Variants in OR10J1 observed in about 807,000 individuals in gnomAD.
OR10J1 encodes olfactory receptor family 10 subfamily J member 1.
For synonymous variants in OR10J1, 202 were observed against 143.8 expected (o/e 1.40, Z -2.89); for missense variants, 474 against 376.6 (o/e 1.26, Z -2.14).
Position 159,440,333 on chromosome 1 carries a change from G to C in OR10J1, c.542G>C (p.Arg181Pro). The change falls in exon 1 of 1, where the codon CGC (arginine) becomes CCC (proline). Residue 181 changes from arginine (R) to proline (P), a missense_variant. By Grantham distance (103) the Arg-to-Pro change is moderately radical. Transcript: ENST00000423932. ...RKVPHFFCDI[R>P]PVMKLSCIDT... ...GTGCCCCACTTCTTCTGTGACATCC[G>C]CCCTGTGATGAAGCTCTCCTGCATT... The C allele has an allele frequency of 6.2e-7, 1 of 1,614,106 alleles. No homozygotes were observed. The highest frequency in any genetic ancestry group is 8.5e-7 in the Non-Finnish European group (1 of 1,180,014).
chr1:159,427,400 AC>A, the OR10J1 span, among the ~76,000 whole-genome samples: 2 of 151,688 alleles, frequency 1.3e-5, no homozygotes, highest in African/African-American at 4.8e-5. Flanking sequence ...TAGAAATGAA[AC>A]CCCTAACAGC....
At chr1:159,416,507 T>G in the OR10J1 span, among the ~76,000 whole-genome samples, 1 of 152,012 alleles carries the variant, frequency 6.6e-6, no homozygotes, top group Non-Finnish European at 1.5e-5. Context: ...TTAGAATTTT[T>G]GTATCTGTGT....
the OR10J1 span, among the ~76,000 whole-genome samples, chr1:159,400,610 G>GAT: frequency 2.7e-5 from 4 of 150,272 alleles, no homozygotes. Flanking sequence ...ATATATAAAA[G>GAT]ATATATAAAG....
the OR10J1 span, among the ~76,000 whole-genome samples, chr1:159,412,121 A>T: frequency 6.6e-6 from 1 of 152,020 alleles, no homozygotes; most frequent in Non-Finnish European, 1.5e-5. Flanking sequence ...TTAGGAAGCC[A>T]TCTTACAAGG....
the OR10J1 span, among the ~76,000 whole-genome samples, chr1:159,410,777 T>C: frequency 1.3e-5 from 2 of 150,774 alleles, no homozygotes; most frequent in African/African-American, 2.4e-5. Context: ...TCTAGTTCTT[T>C]TAATTGTGAT....
chr1:159,411,497 T>A, the OR10J1 span, among the ~76,000 whole-genome samples: 2 of 152,128 alleles, frequency 1.3e-5, no homozygotes, highest in Admixed American at 6.6e-5. Flanking sequence ...TAAAGTCTGT[T>A]TTATCAGAGA....
the OR10J1 span, among the ~76,000 whole-genome samples, chr1:159,426,497 A>G: frequency 6.6e-6 from 1 of 151,938 alleles, no homozygotes; most frequent in Admixed American, 6.6e-5. Flanking sequence ...ATGAATGTAT[A>G]AGGCCCTAAC....
the OR10J1 span, among the ~76,000 whole-genome samples, chr1:159,410,368 A>G: frequency 1.3e-5 from 2 of 152,118 alleles, no homozygotes; most frequent in Admixed American, 1.3e-4. Context: ...TATTGCCACA[A>G]TTTCAGAGCC....
At chr1:159,412,370 C>T in the OR10J1 span, among the ~76,000 whole-genome samples, 58 of 145,658 alleles carry the variant, frequency 4.0e-4, no homozygotes, top group East Asian at 0.011. Flanking sequence ...AAAGAGCCCG[C>T]ATCGCCAAGT....
the OR10J1 span, among the ~76,000 whole-genome samples, chr1:159,423,910 T>C: frequency 6.6e-6 from 1 of 152,236 alleles, no homozygotes; most frequent in Non-Finnish European, 1.5e-5. Flanking sequence ...TTATTAGATA[T>C]GAATGGACAG....
At chr1:159,399,575 A>G in the OR10J1 span, among the ~76,000 whole-genome samples, 1 of 148,138 alleles carries the variant, frequency 6.8e-6, no homozygotes, top group South Asian at 2.1e-4. Flanking sequence ...TGTCTCAAAA[A>G]AAAAAAAAAA....
At chr1:159,418,445 T>C in the OR10J1 span, among the ~76,000 whole-genome samples, 2 of 152,330 alleles carry the variant, frequency 1.3e-5, no homozygotes, top group South Asian at 2.1e-4. Flanking sequence ...TAGCTTCAGA[T>C]GGTGCAATCC....
the OR10J1 span, among the ~76,000 whole-genome samples, chr1:159,408,844 A>G: frequency 6.6e-6 from 1 of 152,022 alleles, no homozygotes; most frequent in Non-Finnish European, 1.5e-5. Flanking sequence ...ATGATTAGAG[A>G]AGATTATTAT....
the OR10J1 span, among the ~76,000 whole-genome samples, chr1:159,413,718 T>C: frequency 6.6e-6 from 1 of 150,410 alleles, no homozygotes; most frequent in Non-Finnish European, 1.5e-5. Context: ...AGGGATAGCA[T>C]TAGGAGATAT....
Position 159,440,924 on chromosome 1 carries a change from G to T in OR10J1, c.*203G>T, listed in dbSNP as rs1655929675. On this transcript the variant is annotated 3_prime_UTR_variant, in exon 1 of 1. Coordinates refer to ENST00000423932, the MANE Select transcript of OR10J1 (RefSeq NM_012351.3). ...TTATCCCTATTTTTGGGGATAAATA[G>T]ACAAACAAGGATAAGATATGCCTAA... 1 of 530,010 alleles carries T rather than the reference G, an allele frequency of 1.9e-6. No individual in the cohort carries two copies. Among genetic ancestry groups the T allele is most frequent in the Admixed American group, 3.4e-5 (1 of 29,134 alleles). 32.8% of individuals were successfully genotyped at this position (530,010 alleles called of 1,614,324 possible).
the OR10J1 span, among the ~76,000 whole-genome samples, chr1:159,424,269 GA>G: frequency 6.7e-6 from 1 of 149,782 alleles, no homozygotes; most frequent in African/African-American, 2.5e-5. Context: ...TTAAAAGTTG[GA>G]AAAAAATAGA....
the OR10J1 span, among the ~76,000 whole-genome samples, chr1:159,429,421 A>G: frequency 6.6e-4 from 100 of 152,200 alleles, no homozygotes; most frequent in Non-Finnish European, 1.2e-3. Context: ...TTGTCTCATG[A>G]CGCTGCATCC....
chr1:159,414,299 G>A, the OR10J1 span, among the ~76,000 whole-genome samples: 3 of 151,852 alleles, frequency 2.0e-5, no homozygotes, highest in Admixed American at 6.6e-5. Flanking sequence ...TCTCTACCTC[G>A]ATGAAATCAA....
Position 159,440,903 on chromosome 1 carries a change from C to A in OR10J1, c.*182C>A, listed in dbSNP as rs1234799070. 5.0e-6 allele frequency: 3 copies of A among 599,106 alleles called. No homozygotes were observed. The South Asian group carries it at 9.2e-5, about 18-fold the overall frequency. 37.1% of individuals were successfully genotyped at this position (599,106 alleles called of 1,614,324 possible). On this transcript the variant is annotated 3_prime_UTR_variant, in exon 1 of 1. Transcript: ENST00000423932. ...ATAAAGTTACTGGATGGAGTGTTATCCCTATTTTTGGGGATAAATAGACAA... is the reference window on the plus strand; with the variant it reads ...ATAAAGTTACTGGATGGAGTGTTATACCTATTTTTGGGGATAAATAGACAA...
Sources: allele counts gnomAD v4.1 joint callset (sites outside exome capture counted in the v4.1 genomes callset), GRCh38; gene constraint gnomAD v4.1.1; transcripts MANE v1.5; gene names NCBI Gene and HGNC (gene_info 2026-07-23, HGNC 2026-07-21).